The following AEBP2 variants were observed in gnomAD, a reference collection of about 807,000 sequenced individuals.
AEBP2 encodes the protein AE binding protein 2.
Under a neutral mutation model 50.8 loss-of-function variants are expected in AEBP2, and 10 were observed. That is an observed-to-expected ratio of 0.20 (90% CI 0.12 to 0.33). The LOEUF (loss-of-function observed/expected upper bound fraction) is 0.33, where lower values mean the gene tolerates loss of function less well. Ranked by LOEUF, AEBP2 falls within the 10% of genes least tolerant of loss-of-function variation. The pLI, the probability that AEBP2 is intolerant of heterozygous loss-of-function variation, is 1.00. For missense variants in AEBP2, 570 were observed against 688.0 expected (o/e 0.83, Z 1.92); for synonymous variants, 296 against 261.3 (o/e 1.13, Z -1.28).
At position 19,520,113 on chromosome 12, in the gene AEBP2, T is replaced by G. The variant is rs1949377068; in HGVS notation, c.*1996T>G. The G allele has an allele frequency of 6.6e-6, 1 of 152,582 alleles. No homozygotes were observed. Among genetic ancestry groups the G allele is most frequent in the South Asian group, 2.1e-4 (1 of 4,828 alleles). 9.5% of individuals were successfully genotyped at this position (152,582 alleles called of 1,614,324 possible). On this transcript the variant is annotated 3_prime_UTR_variant, in exon 8 of 8. Coordinates refer to ENST00000266508, the MANE Select transcript of AEBP2 (RefSeq NM_153207.5). The stretch of plus-strand genomic sequence containing the variant: ...AATAGAAGTGTTTCAGATACATAGT[T>G]TGTACCTGTATTTTTATTTTATTGC...
At chr12:19,456,148 T>A in intron 1 of AEBP2, 1 of 823,150 alleles carries the variant, frequency 1.2e-6, no homozygotes, top group East Asian at 2.5e-5. Context: ...AACCAGTCTT[T>A]TACTACTAAA....
At chr12:19,457,536 GTTCT>G in intron 1 of AEBP2, 2 of 1,480,634 alleles carry the variant, frequency 1.4e-6, no homozygotes, top group Non-Finnish European at 1.8e-6. Context: ...TTTTTCAATG[GTTCT>G]TTTGTTGATG....
intron 2 of AEBP2, among the ~76,000 whole-genome samples, chr12:19,465,179 GGTCAGGA>G (rs956527103): frequency 6.6e-6 from 1 of 151,832 alleles, no homozygotes; most frequent in Non-Finnish European, 1.5e-5. Flanking sequence ...CGGATCACGG[GGTCAGGA>G]GTTTGAGACC....
chr12:19,458,836 A>G (rs1356444389), intron 1 of AEBP2, among the ~76,000 whole-genome samples: 1 of 152,206 alleles, frequency 6.6e-6, no homozygotes, highest in Admixed American at 6.5e-5. Context: ...ACAGTGAAAG[A>G]TAAGTTTCTC....
At chr12:19,457,058 T>C (rs1948281800) in intron 1 of AEBP2, 12 of 1,607,744 alleles carry the variant, frequency 7.5e-6, no homozygotes, top group Admixed American at 1.7e-5. Context: ...CAACCAGAAA[T>C]TGGCACAAAT....
At chr12:19,459,667 A>T (rs1948337714) in intron 1 of AEBP2, among the ~76,000 whole-genome samples, 1 of 152,214 alleles carries the variant, frequency 6.6e-6, no homozygotes, top group East Asian at 1.9e-4. Flanking sequence ...CACATTTGAG[A>T]GTTTTACAGA....
chr12:19,479,716 G>GTTTTTTTTTTTTT (rs1565723172), intron 3 of AEBP2, among the ~76,000 whole-genome samples: 1 of 29,894 alleles, frequency 3.3e-5, no homozygotes, highest in Non-Finnish European at 8.0e-5. Flanking sequence ...CCTCTTTGTG[G>GTTTTTTTTTTTTT]GTTTTTTTTT....
chr12:19,418,935 G>A (rs568125363), intron 1 of AEBP2: 1 of 124,744 alleles, frequency 8.0e-6, no homozygotes, highest in Admixed American at 7.7e-5. Flanking sequence ...CTCCTACATT[G>A]AGCACAAGAC....
At chr12:19,506,477 C>T (rs1464470943) in intron 5 of AEBP2, among the ~76,000 whole-genome samples, 1 of 152,026 alleles carries the variant, frequency 6.6e-6, no homozygotes, top group Non-Finnish European at 1.5e-5. Flanking sequence ...ATAAACTGTA[C>T]CCATTGAAAG....
intron 1 of AEBP2, among the ~76,000 whole-genome samples, chr12:19,444,294 T>C (rs1948019439): frequency 6.6e-6 from 1 of 152,244 alleles, no homozygotes; most frequent in Non-Finnish European, 1.5e-5. Context: ...TGAACGTGTA[T>C]TTATGCTAAA....
chr12:19,426,887 C>T (rs769692726), intron 1 of AEBP2, among the ~76,000 whole-genome samples: 4 of 151,878 alleles, frequency 2.6e-5, no homozygotes, highest in East Asian at 3.9e-4. Context: ...GGCAACAGAG[C>T]GAGACTCAAA....
At chr12:19,440,580 C>A (rs1453602295) in intron 1 of AEBP2, 3 of 1,446,772 alleles carry the variant, frequency 2.1e-6, no homozygotes, top group Non-Finnish European at 2.7e-6. Context: ...CGTTCCCCCC[C>A]AACTCTCCTT....
intron 1 of AEBP2, among the ~76,000 whole-genome samples, chr12:19,420,698 C>G (rs999218153): frequency 3.9e-5 from 6 of 152,112 alleles, no homozygotes; most frequent in African/African-American, 7.2e-5. Flanking sequence ...ACTTCCCTTT[C>G]CATCCAATTT....
At chr12:19,434,008 G>A (rs1156951455) in intron 1 of AEBP2, among the ~76,000 whole-genome samples, 1 of 151,536 alleles carries the variant, frequency 6.6e-6, no homozygotes, top group Non-Finnish European at 1.5e-5. Flanking sequence ...CACCATGCCC[G>A]ACTAATTTTT....
In AEBP2 at chr12:19,440,182, C is replaced by T; in HGVS notation, c.483C>T (p.Pro161=). The T allele has an allele frequency of 6.8e-7, 1 of 1,464,714 alleles. No individual in the cohort carries two copies. The highest frequency in any genetic ancestry group is 8.9e-7 in the Non-Finnish European group (1 of 1,119,546). 90.7% of individuals were successfully genotyped at this position (1,464,714 alleles called of 1,614,324 possible). Residue 161 remains proline, a synonymous_variant, in exon 1 of 8, where the codon CCC becomes CCT. Coordinates refer to ENST00000266508, the MANE Select transcript of AEBP2 (RefSeq NM_153207.5). ...ACGGCAAGGAGGGCCTGGAGGAGCC[C>T]AAGGGACCGCGGGGCAGCCAGGGCG... ...DGDGKEGLEE[P]KGPRGSQGGG... is the part of the protein sequence containing the mutation.
chr12:19,462,828 G>A (rs1948402525), intron 2 of AEBP2, 111 bp downstream of exon 2: 3 of 992,104 alleles, frequency 3.0e-6, no homozygotes, highest in Non-Finnish European at 4.3e-6. Context: ...TTTTACACAG[G>A]CTTAGTTTTT....
Position 19,520,862 on chromosome 12 carries a change from A to G in AEBP2, c.*2745A>G, listed in dbSNP as rs1385479812. On this transcript the variant is annotated 3_prime_UTR_variant, in exon 8 of 8. Coordinates refer to ENST00000266508, the MANE Select transcript of AEBP2 (RefSeq NM_153207.5). The stretch of plus-strand genomic sequence containing the variant: ...TTCTGAGTGCTGACATCATGCTGCA[A>G]GTGGAAAATTCCACGCCTGACCTCA... 2.6e-5 allele frequency: 4 copies of G among 152,222 alleles called. No homozygotes were observed. In the East Asian group the frequency reaches 7.7e-4, roughly 29 times the overall value. The allele number at this position is 152,222 out of a possible 1,614,324, so 9.4% of individuals were successfully genotyped here.
intron 1 of AEBP2, among the ~76,000 whole-genome samples, chr12:19,455,064 A>G (rs1348408078): frequency 6.6e-6 from 1 of 151,094 alleles, no homozygotes; most frequent in Non-Finnish European, 1.5e-5. Context: ...GTGCAGTGGC[A>G]CAATCATAGC....
intron 1 of AEBP2, among the ~76,000 whole-genome samples, chr12:19,421,440 C>G (rs192091007): frequency 6.6e-6 from 1 of 151,116 alleles, no homozygotes; most frequent in African/African-American, 2.4e-5. Flanking sequence ...TTGCTTGAAC[C>G]CTGGAGTTCG....
Sources: gnomAD v4.1 joint callset for allele counts (sites outside exome capture counted in the v4.1 genomes callset) on GRCh38, gnomAD v4.1.1 for gene constraint, MANE v1.5 for transcripts, NCBI Gene and HGNC (gene_info 2026-07-23, HGNC 2026-07-21) for gene names.